ADCK1: variants seen among roughly 807,000 people sequenced by gnomAD.
ADCK1 encodes the protein aarF domain-containing protein kinase 1.
A neutral mutation model predicts 52.3 loss-of-function variants in ADCK1; 41 were observed. The observed-to-expected ratio is 0.78, with a 90% CI of 0.61 to 1.02. The LOEUF (loss-of-function observed/expected upper bound fraction) is 1.02. Among genes scored for constraint, ADCK1 ranks in the 50% least tolerant of loss-of-function variants. The pLI, the probability that ADCK1 is intolerant of heterozygous loss-of-function variation, is 0.00. For missense variants in ADCK1, 658 were observed against 679.5 expected (o/e 0.97, Z 0.35); for synonymous variants, 250 against 274.6 (o/e 0.91, Z 0.89).
chr14:77,916,889 C>T (rs907847122), intron 7 of ADCK1, among the ~76,000 whole-genome samples: 1 of 152,170 alleles, frequency 6.6e-6, no homozygotes, highest in Non-Finnish European at 1.5e-5. Context: ...TTACAAATCC[C>T]AAAGGTGGTT....
chr14:77,876,172 G>T (rs1271690183), intron 4 of ADCK1, among the ~76,000 whole-genome samples: 1 of 152,190 alleles, frequency 6.6e-6, no homozygotes, highest in African/African-American at 2.4e-5. Flanking sequence ...TGTTGACTGG[G>T]CTGTATTCCT....
At chr14:77,859,391 C>G in intron 4 of ADCK1, 112 bp downstream of exon 4, 2 of 1,068,864 alleles carry the variant, frequency 1.9e-6, no homozygotes, top group Non-Finnish European at 2.6e-6. Context: ...TGACACAAAA[C>G]CAAATGTCAC....
Position 77,818,906 on chromosome 14 carries a change from C to G in ADCK1, c.-11-62C>G. ...AGTGGTAGAGCTGGGATTTGAACTT[C>G]AGTTTGACTAACTATGAAACTTTTA... On this transcript the variant is annotated intron_variant, in intron 1 of 10. Coordinates refer to ENST00000238561, the MANE Select transcript of ADCK1 (RefSeq NM_020421.4). The G allele has an allele frequency of 1.9e-6, 3 of 1,573,894 alleles. No individual in the cohort carries two copies. In the South Asian group the frequency reaches 3.5e-5, roughly 18 times the overall value.
chr14:77,835,829 T>A (rs1297240483), intron 3 of ADCK1, among the ~76,000 whole-genome samples: 1 of 152,122 alleles, frequency 6.6e-6, no homozygotes. Context: ...AGAGACAAGG[T>A]TTCGCCATGT....
rs539064071 is a variant in ADCK1 at position 77,899,208 on chromosome 14, A to G, written c.691A>G (p.Arg231Gly). The G allele has an allele frequency of 6.2e-7, 1 of 1,614,132 alleles. No homozygotes were observed. Among genetic ancestry groups the G allele is most frequent in the Admixed American group, 1.7e-5 (1 of 60,010 alleles). ...GGAGCTGGATTTCCTCAATGAAGGG[A>G]GGAATGCTGAGAAGGTGTCCCAGAT... ...PLELDFLNEG[R>G]NAEKVSQMLR... Residue 231 changes from arginine (R) to glycine (G), a missense_variant, in exon 6 of 11, where the codon AGG becomes GGG. By Grantham distance (125) the Arg-to-Gly change is moderately radical. Coordinates refer to ENST00000238561, the MANE Select transcript of ADCK1 (RefSeq NM_020421.4).
At position 77,925,925 on chromosome 14, in the gene ADCK1, C is replaced by T. The variant is rs755762499; in HGVS notation, c.1170C>T (p.Asn390=). ...CGGCGCGATCGTGGGACTCGGTCAA[C>T]AGAGGCATCAGCCAAGCTCCCGTCA... ...MLTARSWDSV[N]RGISQAPVTA... The change falls in exon 9 of 11, where the codon AAC becomes AAT. Residue 390 remains asparagine, a synonymous_variant. Transcript: ENST00000238561. 2.5e-6 allele frequency: 4 copies of T among 1,614,194 alleles called. No individual in the cohort carries two copies. Among genetic ancestry groups the T allele is most frequent in the Non-Finnish European group, 3.4e-6 (4 of 1,180,046 alleles).
In ADCK1 at chr14:77,859,271, G is replaced by A. The variant is rs753673888; in HGVS notation, c.415G>A (p.Gly139Ser). The A allele has an allele frequency of 1.9e-6, 3 of 1,613,208 alleles. No homozygotes were observed. The highest frequency in any genetic ancestry group is 2.7e-5 in the African/African-American group (2 of 74,890). Residue 139 changes from glycine (G) to serine (S), a missense_variant, in exon 4 of 11, where the codon GGC (glycine) becomes AGC (serine). Transcript: ENST00000238561. Reference sequence around the variant, plus strand: ...CCGCCAGGTCATCCGAGAAGATCTGGGCAAGGAGGTACCCACCTTTGCAGG... The same window carrying A: ...CCGCCAGGTCATCCGAGAAGATCTGAGCAAGGAGGTACCCACCTTTGCAGG... ...EIRQVIREDL[G>S]KEIHDLFQSF...
chr14:77,866,799 G>C (rs927168862), intron 4 of ADCK1, among the ~76,000 whole-genome samples: 1 of 152,166 alleles, frequency 6.6e-6, no homozygotes, highest in African/African-American at 2.4e-5. Context: ...GTGGGGCCGG[G>C]TGTGGGCTAT....
intron 1 of ADCK1, among the ~76,000 whole-genome samples, chr14:77,815,988 A>T (rs2081441865): frequency 6.7e-6 from 1 of 148,948 alleles, no homozygotes; most frequent in South Asian, 2.1e-4. Flanking sequence ...GCTAATGTTA[A>T]TAGAGATGGG....
chr14:77,865,649 A>G lies in ADCK1; in HGVS notation c.423+6370A>G, dbSNP rs17106501. 5.5e-3 allele frequency among the ~76,000 whole-genome samples: 831 copies of G among 152,246 alleles called. 7 individuals carry two copies. Among genetic ancestry groups the G allele is most frequent in the African/African-American group, 0.019 (777 of 41,538 alleles). Reference sequence around the variant, plus strand: ...ATGTGTACCCTCGGTCTGCTTTCACACGGCCTGGAGCTTCATAGCGAGCCT... The same window carrying G: ...ATGTGTACCCTCGGTCTGCTTTCACGCGGCCTGGAGCTTCATAGCGAGCCT... On this transcript the variant is annotated intron_variant, in intron 4 of 10. Coordinates refer to ENST00000238561, the MANE Select transcript of ADCK1 (RefSeq NM_020421.4).
At chr14:77,889,901 A>AAC (rs376263970) in intron 5 of ADCK1, among the ~76,000 whole-genome samples, 146 of 149,022 alleles carry the variant, frequency 9.8e-4, no homozygotes, top group South Asian at 3.3e-3. Context: ...AAAAAAAAAA[A>AAC]AAACAGAAGA....
intron 10 of ADCK1, 21 bp downstream of exon 10, chr14:77,931,732 C>T (rs1404139071): frequency 6.3e-7 from 1 of 1,592,784 alleles, no homozygotes; most frequent in African/African-American, 1.3e-5. Flanking sequence ...GCTCCTCCCT[C>T]TCCTCCCCTC....
chr14:77,929,254 TTCTC>T, intron 9 of ADCK1, among the ~76,000 whole-genome samples: 1 of 152,300 alleles, frequency 6.6e-6, no homozygotes, highest in Non-Finnish European at 1.5e-5. Context: ...AAGGAATTTG[TTCTC>T]TCTCCTACAA....
At chr14:77,924,665 C>A in intron 8 of ADCK1, 59 bp downstream of exon 8, 1 of 1,590,624 alleles carries the variant, frequency 6.3e-7, no homozygotes, top group Non-Finnish European at 8.5e-7. Flanking sequence ...CTGCTGACCA[C>A]TCTAATTAGC....
At chr14:77,829,398 T>C (rs1237967795) in intron 3 of ADCK1, among the ~76,000 whole-genome samples, 6 of 150,786 alleles carry the variant, frequency 4.0e-5, no homozygotes, top group African/African-American at 1.5e-4. Context: ...GGGCTTAAGC[T>C]ATCCTCCCAC....
intron 10 of ADCK1, among the ~76,000 whole-genome samples, chr14:77,932,994 GC>G (rs1276585384): frequency 6.6e-6 from 1 of 152,168 alleles, no homozygotes; most frequent in Non-Finnish European, 1.5e-5. Flanking sequence ...TGAAACAACT[GC>G]TTTTGTTTAT....
chr14:77,873,287 A>G (rs1384856325), intron 4 of ADCK1, among the ~76,000 whole-genome samples: 1 of 152,240 alleles, frequency 6.6e-6, no homozygotes, highest in Non-Finnish European at 1.5e-5. Context: ...GATTATGAAT[A>G]GGCCAGCTGG....
At chr14:77,863,304 T>C (rs1299593691) in intron 4 of ADCK1, among the ~76,000 whole-genome samples, 2 of 152,080 alleles carry the variant, frequency 1.3e-5, no homozygotes, top group Non-Finnish European at 2.9e-5. Context: ...TTTAGTAATG[T>C]GGGAGATGAG....
At chr14:77,892,571 G>A (rs868816068) in intron 5 of ADCK1, among the ~76,000 whole-genome samples, 8 of 151,024 alleles carry the variant, frequency 5.3e-5, no homozygotes, top group South Asian at 4.2e-4. Context: ...AGCACCGCAC[G>A]TAGTCCCAAC....
Sources: allele counts gnomAD v4.1 joint callset (sites outside exome capture counted in the v4.1 genomes callset), GRCh38; gene constraint gnomAD v4.1.1; transcripts MANE v1.5; gene names NCBI Gene and HGNC (gene_info 2026-07-23, HGNC 2026-07-21).